MAF: variants seen among roughly 807,000 people sequenced by gnomAD.
The protein encoded by MAF is transcription factor Maf.
MAF carries 10 observed loss-of-function variants against 22.0 expected under a neutral mutation model. That is an observed-to-expected ratio of 0.45 (90% confidence interval 0.28 to 0.77). MAF has a LOEUF of 0.77. MAF is among the 30% of genes least tolerant of loss of function. The pLI is 0.12. For synonymous variants in MAF, 337 were observed against 255.8 expected (o/e 1.32, Z -3.03); for missense variants, 544 against 548.4 (o/e 0.99, Z 0.08).
At chr16:79,560,517 T>C in the MAF span, among the ~76,000 whole-genome samples, 3 of 152,052 alleles carry the variant, frequency 2.0e-5, no homozygotes, top group Non-Finnish European at 4.4e-5. Context: ...CAAAATATGA[T>C]GCAATGGTTT....
chr16:79,319,771 G>GCTTT, the MAF span, among the ~76,000 whole-genome samples: 1 of 152,192 alleles, frequency 6.6e-6, no homozygotes, highest in South Asian at 2.1e-4. Flanking sequence ...GTGATTCTCT[G>GCTTT]CTTTCCTGGA....
the MAF span, among the ~76,000 whole-genome samples, chr16:79,377,153 G>A: frequency 2.6e-5 from 4 of 152,148 alleles, no homozygotes; most frequent in South Asian, 6.2e-4. Flanking sequence ...GTGTAAAAGT[G>A]TTCCTATTTC....
the MAF span, among the ~76,000 whole-genome samples, chr16:79,328,378 G>C: frequency 6.6e-6 from 1 of 152,112 alleles, no homozygotes; most frequent in African/African-American, 2.4e-5. Flanking sequence ...AATTTTGGGG[G>C]CCACTTGGTT....
At chr16:79,345,578 A>G in the MAF span, among the ~76,000 whole-genome samples, 2 of 151,958 alleles carry the variant, frequency 1.3e-5, no homozygotes, top group Non-Finnish European at 2.9e-5. Flanking sequence ...AAGCACAAAA[A>G]TTAGCCAGGC....
chr16:79,324,164 A>C, the MAF span, among the ~76,000 whole-genome samples: 2 of 152,192 alleles, frequency 1.3e-5, no homozygotes, highest in Non-Finnish European at 2.9e-5. Flanking sequence ...CAATGTTCCC[A>C]TCTGTAAAAT....
the MAF span, among the ~76,000 whole-genome samples, chr16:79,360,710 C>T: frequency 3.3e-5 from 5 of 152,176 alleles, no homozygotes; most frequent in South Asian, 6.2e-4. Context: ...TCTGCTTGCT[C>T]TGCAAGTGCT....
chr16:79,445,039 A>AT, the MAF span, among the ~76,000 whole-genome samples: 8 of 151,936 alleles, frequency 5.3e-5, no homozygotes, highest in African/African-American at 1.2e-4. Context: ...TTATTTATTT[A>AT]TTTATTTTTT....
rs1003636300 is a variant in MAF, at chr16:79,600,721, G to C, written c.-819C>G. On this transcript the variant is annotated 5_prime_UTR_variant, in exon 1 of 2. Coordinates refer to ENST00000326043, the MANE Select transcript of MAF (RefSeq NM_005360.5). ...CTAGAAGATGAAAAAAGATTTTAAA[G>C]CCTCTGATCCAGCAAGAAGAGTTTA... is the stretch of plus-strand genomic sequence containing the variant. 1.5e-5 allele frequency: 3 copies of C among 194,462 alleles called. No homozygotes were observed. Among genetic ancestry groups the C allele is most frequent in the African/African-American group, 7.1e-5 (3 of 42,298 alleles). 12.0% of individuals were successfully genotyped at this position (194,462 alleles called of 1,614,324 possible).
At chr16:79,364,634 T>C in the MAF span, among the ~76,000 whole-genome samples, 1 of 152,206 alleles carries the variant, frequency 6.6e-6, no homozygotes, top group African/African-American at 2.4e-5. Flanking sequence ...TGCTCCCAAT[T>C]GAACAGTTTC....
chr16:79,563,058 C>T, the MAF span, among the ~76,000 whole-genome samples: 132 of 152,156 alleles, frequency 8.7e-4, no homozygotes, highest in Non-Finnish European at 1.5e-3. Flanking sequence ...TACATCTAGG[C>T]TTGCACTAGG....
the MAF span, among the ~76,000 whole-genome samples, chr16:79,561,492 GT>G: frequency 6.8e-6 from 1 of 146,166 alleles, no homozygotes; most frequent in Non-Finnish European, 1.5e-5. Flanking sequence ...ACAGTCCCCG[GT>G]GTGTGATGTT....
the MAF span, among the ~76,000 whole-genome samples, chr16:79,385,237 G>C: frequency 6.6e-6 from 1 of 152,192 alleles, no homozygotes; most frequent in Admixed American, 6.5e-5. Flanking sequence ...AACTCCCTTT[G>C]AGGGAAATAG....
chr16:79,491,337 G>A, the MAF span, among the ~76,000 whole-genome samples: 13 of 152,292 alleles, frequency 8.5e-5, no homozygotes, highest in Middle Eastern at 6.8e-3. Flanking sequence ...GAACTTAGAT[G>A]TGGATAGAAC....
chr16:79,364,565 A>G, the MAF span, among the ~76,000 whole-genome samples: 7 of 152,318 alleles, frequency 4.6e-5, no homozygotes, highest in East Asian at 1.2e-3. Flanking sequence ...CACATCAAAC[A>G]TGGTCCCTGA....
At chr16:79,388,653 AT>A in the MAF span, among the ~76,000 whole-genome samples, 3 of 152,240 alleles carry the variant, frequency 2.0e-5, no homozygotes, top group Admixed American at 1.3e-4. Context: ...TGGCCTAAAA[AT>A]ATGTCATTTC....
At chr16:79,529,718 T>C in the MAF span, among the ~76,000 whole-genome samples, 2 of 152,180 alleles carry the variant, frequency 1.3e-5, no homozygotes, top group Non-Finnish European at 2.9e-5. Context: ...CCCAGTACTT[T>C]GGGAGGCCGA....
the MAF span, among the ~76,000 whole-genome samples, chr16:79,208,272 G>T: frequency 2.0e-5 from 3 of 152,042 alleles, no homozygotes. Flanking sequence ...TCAGTCCTGT[G>T]TCGTCAACAA....
the MAF span, among the ~76,000 whole-genome samples, chr16:79,223,685 C>A: frequency 6.6e-6 from 1 of 152,286 alleles, no homozygotes; most frequent in Non-Finnish European, 1.5e-5. Context: ...GATATCACCA[C>A]TGATCTCACA....
At chr16:79,585,833 A>C (rs199644811), downstream of MAF, 4 of 12,298 alleles carry the variant, frequency 3.3e-4, no homozygotes, top group Non-Finnish European at 1.4e-3. Flanking sequence ...AGAAAAGGAA[A>C]AAAAAAAAAA....
Sources: gnomAD v4.1 joint callset for allele counts (sites outside exome capture counted in the v4.1 genomes callset) on GRCh38, gnomAD v4.1.1 for gene constraint, MANE v1.5 for transcripts, NCBI Gene and HGNC (gene_info 2026-07-23, HGNC 2026-07-21) for gene names.